PLEKHN1: variants seen among roughly 807,000 people sequenced by gnomAD.
PLEKHN1 encodes the protein pleckstrin homology domain containing N1.
PLEKHN1 carries 68 observed loss-of-function variants against 72.8 expected under a neutral mutation model. The observed-to-expected ratio is 0.93, with a 90% CI of 0.77 to 1.14. PLEKHN1 has a LOEUF of 1.14. Ranked by LOEUF, PLEKHN1 falls within the 50% of genes most tolerant of loss-of-function variation. The pLI is 0.00. For missense variants in PLEKHN1, 1,015 were observed against 840.5 expected, an observed-to-expected ratio of 1.21 and a Z score of -2.57; for synonymous variants, 454 against 371.6, an observed-to-expected ratio of 1.22 and a Z score of -2.55.
rs772469853 is a variant in PLEKHN1 at position 973,630 on chromosome 1, G to A, written c.1424G>A (p.Gly475Asp). The A allele has an allele frequency of 1.9e-6, 3 of 1,612,658 alleles. No homozygotes were observed. In the East Asian group the frequency reaches 6.7e-5, roughly 36 times the overall value. Reference sequence around the variant, plus strand: ...CACCGCAGGGTCACAGATGTCCGGGGCCTGGAGGAGGTCAGGCCCCTGCTG... The same window carrying A: ...CACCGCAGGGTCACAGATGTCCGGGACCTGGAGGAGGTCAGGCCCCTGCTG... ...TSHRRVTDVR[G>D]LEEFLSAMQS... The change falls in exon 13 of 16, where the codon GGC (glycine) becomes GAC (aspartate). Residue 475 changes from glycine (G) to aspartate (D), a missense_variant. Physicochemically the swap from Gly to Asp is moderately conservative, Grantham distance 94. Transcript: ENST00000379410.
chr1:971,399 T>C lies in PLEKHN1; in HGVS notation c.784T>C (p.Phe262Leu), dbSNP rs750298584. ...IFSEELDGLC[F>L]KGELPLRAVH... is the part of the protein sequence containing the mutation. ...CTCCGAGGAGCTGGACGGGCTTTGC[T>C]TCAAGGTGGGCCCCTCCCCACTGTG... is the stretch of plus-strand genomic sequence containing the variant. The change falls in exon 8 of 16, where the codon TTC becomes CTC. Residue 262 changes from phenylalanine (F) to leucine (L), a missense_variant. By Grantham distance (22) the Phe-to-Leu change is conservative. Coordinates refer to ENST00000379410, the MANE Select transcript of PLEKHN1 (RefSeq NM_032129.3). 1 of 1,579,360 alleles carries C rather than the reference T, an allele frequency of 6.3e-7. No homozygotes were observed. Among genetic ancestry groups the C allele is most frequent in the Non-Finnish European group, 8.6e-7 (1 of 1,163,980 alleles).
In PLEKHN1 at chr1:974,224, G is replaced by A. The variant is rs544591137; in HGVS notation, c.1654-92G>A. 1.7e-5 allele frequency: 27 copies of A among 1,580,476 alleles called. No individual in the cohort carries two copies. In the East Asian group the frequency reaches 5.6e-4, roughly 33 times the overall value. ...AGATGGGACTGGGGAGGGAGAGCAG[G>A]GGGACATGGGGGGCTGCACAGTGAC... is the stretch of plus-strand genomic sequence containing the variant. On this transcript the variant is annotated intron_variant, in intron 14 of 15. Transcript: ENST00000379410.
chr1:968,243 C>T (rs1448778138), intron 2 of PLEKHN1, among the ~76,000 whole-genome samples: 1 of 152,234 alleles, frequency 6.6e-6, no homozygotes, highest in Non-Finnish European at 1.5e-5. Context: ...CATTCCTGGG[C>T]CTGCTCAGGG....
intron 12 of PLEKHN1, 21 bp downstream of exon 12, chr1:973,347 CA>C (rs780471039): frequency 6.4e-7 from 1 of 1,552,956 alleles, no homozygotes; most frequent in Non-Finnish European, 8.7e-7. Context: ...CACACCCACA[CA>C]GCCCCTGGCC....
chr1:973,203 C>A lies in PLEKHN1; in HGVS notation c.1170C>A (p.Asp390Glu). The change falls in exon 12 of 16, where the codon GAC (aspartate) becomes GAA (glutamate). Residue 390 changes from aspartate to glutamate, a missense_variant. Asp to Glu is a conservative substitution (Grantham distance 45). Coordinates refer to ENST00000379410, the MANE Select transcript of PLEKHN1 (RefSeq NM_032129.3). ...SQHTPDQANS[D>E]RASIGRRRTE... ...CCCCACAGGACCAGGCCAACTCTGA[C>A]CGTGCCAGCATTGGCCGACGGAGGA... 1 of 1,533,072 alleles carries A rather than the reference C, an allele frequency of 6.5e-7. No individual in the cohort carries two copies. The highest frequency in any genetic ancestry group is 1.2e-5 in the South Asian group (1 of 83,030). The allele number at this position is 1,533,072 out of a possible 1,614,324, so 95.0% of individuals were successfully genotyped here. A position where few individuals can be genotyped will look rare whatever the true frequency, so the allele number is the denominator to read the frequency against.
Position 973,296 on chromosome 1 carries a change from T to C in PLEKHN1, c.1263T>C (p.Pro421=). 1 of 1,545,910 alleles carries C rather than the reference T, an allele frequency of 6.5e-7. No individual in the cohort carries two copies. The highest frequency in any genetic ancestry group is 1.9e-5 in the Admixed American group (1 of 51,974). Residue 421 remains proline (P), a synonymous_variant, in exon 12 of 16, where the codon CCT becomes CCC. Transcript: ENST00000379410. ...GSKARAEGRG[P]VTPLHLDLTQ... is the part of the protein sequence containing the mutation. ...AGGCCCGGGCAGAGGGCCGCGGCCC[T>C]GTCACCCCACTGCACCTGGACCTGA...
intron 14 of PLEKHN1, 40 bp downstream of exon 14, chr1:974,091 G>A: frequency 6.5e-7 from 1 of 1,537,304 alleles, no homozygotes; most frequent in Non-Finnish European, 8.8e-7. Context: ...CCGGGCTCCG[G>A]GCTGGCCGGG....
At position 973,288 on chromosome 1, in the gene PLEKHN1, CG is replaced by C; in HGVS notation, c.1256del (p.Arg419ProfsTer11). The stretch of plus-strand genomic sequence containing the variant: ...CGGGAGCAAGGCCCGGGCAGAGGGC[CG>C]CGGCCCTGTCACCCCACTGCACCTG... ...SPGSKARAEGRGPVTPLHLDL... is the reference protein window; with the variant it reads ...SPGSKARAEGXGPVTPLHLDL... On this transcript the variant is annotated frameshift_variant, in exon 12 of 16. Coordinates refer to ENST00000379410, the MANE Select transcript of PLEKHN1 (RefSeq NM_032129.3). LOFTEE classifies it high-confidence loss of function. 1.3e-6 allele frequency: 2 copies of C among 1,540,876 alleles called. No individual in the cohort carries two copies. Among genetic ancestry groups the C allele is most frequent in the Non-Finnish European group, 8.8e-7 (1 of 1,139,190 alleles).
chr1:970,281 TC>T lies in PLEKHN1; in HGVS notation c.190del (p.Leu64TrpfsTer15). On this transcript the variant is annotated frameshift_variant, in exon 3 of 16. Transcript: ENST00000379410. LOFTEE classifies it high-confidence loss of function. This position sits in a 1 kb window ranked among gnomAD's most constrained non-coding sequence, Gnocchi z 4.2. Reference sequence around the variant, plus strand: ...CCTGAGCTCTACTCCTCCTAGGACATCCTGGACCTGGAGAACCAGCGAGAAA... The same window carrying T: ...CCTGAGCTCTACTCCTCCTAGGACATCTGGACCTGGAGAACCAGCGAGAAA... ...KLFHYIPGTD[I>X]LDLENQRENL... 1 of 1,612,996 alleles carries T rather than the reference TC, an allele frequency of 6.2e-7. No individual in the cohort carries two copies. The highest frequency in any genetic ancestry group is 1.1e-5 in the South Asian group (1 of 91,066).
chr1:974,753 C>A lies in PLEKHN1; in HGVS notation c.*178C>A. 1 of 809,556 alleles carries A rather than the reference C, an allele frequency of 1.2e-6. No homozygotes were observed. The highest frequency in any genetic ancestry group is 1.9e-6 in the Non-Finnish European group (1 of 533,920). 50.1% of individuals were successfully genotyped at this position (809,556 alleles called of 1,614,324 possible). On this transcript the variant is annotated 3_prime_UTR_variant, in exon 16 of 16. Transcript: ENST00000379410. ...TGTTCCTTGGTGCCAGCAGCTGGGG[C>A]AGGGAAGGGTGGGAGGGGCCCCATC... is the stretch of plus-strand genomic sequence containing the variant.
At chr1:972,231 G>A in intron 9 of PLEKHN1, 57 bp from the exon 10 acceptor site, 1 of 1,601,632 alleles carries the variant, frequency 6.2e-7, no homozygotes, top group Non-Finnish European at 8.5e-7. Flanking sequence ...CGACTCTTTA[G>A]TGGGGGCGCT....
Position 970,802 on chromosome 1 carries a change from A to G in PLEKHN1, c.484+44A>G, listed in dbSNP as rs1643277699. 3 of 1,612,630 alleles carry G rather than the reference A, an allele frequency of 1.9e-6. No homozygotes were observed. In the East Asian group the frequency reaches 6.7e-5, roughly 36 times the overall value. On this transcript the variant is annotated intron_variant, in intron 5 of 15. Transcript: ENST00000379410. This position sits in a 1 kb window ranked among gnomAD's most constrained non-coding sequence, Gnocchi z 4.2. ...GGGCCCCCAGAGGCACTCCTGACCC[A>G]GGACTTGGAGAGGGGCCTGCCCTGT... is the stretch of plus-strand genomic sequence containing the variant.
In PLEKHN1 at chr1:971,121, A is replaced by C; in HGVS notation, c.621A>C (p.Leu207=). The C allele has an allele frequency of 2.5e-6, 4 of 1,598,572 alleles. No individual in the cohort carries two copies. Among genetic ancestry groups the C allele is most frequent in the Non-Finnish European group, 3.4e-6 (4 of 1,173,332 alleles). ...RCHSAPPQRR[L]TRLRTASGHE... is the part of the protein sequence containing the mutation. ...TCCCCTGGACTTTGCAGCGCCGTCT[A>C]ACCCGGCTGCGGACGGCGTCAGGGC... The change falls in exon 7 of 16, where the codon CTA becomes CTC. Residue 207 remains leucine, a synonymous_variant. Coordinates refer to ENST00000379410, the MANE Select transcript of PLEKHN1 (RefSeq NM_032129.3).
At chr1:969,699 CGTAT>C (rs908243879) in intron 2 of PLEKHN1, among the ~76,000 whole-genome samples, 8 of 150,884 alleles carry the variant, frequency 5.3e-5, no homozygotes, top group Non-Finnish European at 7.4e-5. Flanking sequence ...TGTATAAGTG[CGTAT>C]GTGTGTTCCC....
Position 971,206 on chromosome 1 carries a change from C to CAGGTGGGTGGG in PLEKHN1, c.708+4_708+14dup, listed in dbSNP as rs1643308801. The CAGGTGGGTGGG allele has an allele frequency of 1.3e-6, 2 of 1,575,044 alleles. No homozygotes were observed. The highest frequency in any genetic ancestry group is 1.7e-6 in the Non-Finnish European group (2 of 1,160,644). On this transcript the variant is annotated frameshift_variant and splice_region_variant, in exon 7 of 16. Coordinates refer to ENST00000379410, the MANE Select transcript of PLEKHN1 (RefSeq NM_032129.3). LOFTEE classifies it high-confidence loss of function. ...GGTCAAGCTGCAGCACCTGCCCGCA[C>CAGGTGGGTGGG]AGGTGGGTGGGAGGTGCGTGGGGCT...
chr1:971,303 A>ACCCCCCCCCCCC, intron 7 of PLEKHN1, 21 bp from the exon 8 acceptor site: 2 of 1,495,462 alleles, frequency 1.3e-6, no homozygotes, highest in Non-Finnish European at 1.8e-6. Flanking sequence ...TCATCGCCTG[A>ACCCCCCCCCCCC]CCCCACCCCC....
Position 972,294 on chromosome 1 carries a change from T to C in PLEKHN1, c.872T>C (p.Leu291Pro), listed in dbSNP as rs1283540103. ...QIRSFLIEGP[L>P]INTIRVVCAS... ...CACAGCATCTGTATGCCAGGCCCCC[T>C]CATCAACACCATCCGCGTGGTGTGC... The change falls in exon 10 of 16, where the codon CTC becomes CCC. Residue 291 changes from leucine (L) to proline (P), a missense_variant. By Grantham distance (98) the Leu-to-Pro change is moderately conservative. Transcript: ENST00000379410. 2 of 1,610,832 alleles carry C rather than the reference T, an allele frequency of 1.2e-6. No individual in the cohort carries two copies. Among genetic ancestry groups the C allele is most frequent in the Non-Finnish European group, 1.7e-6 (2 of 1,178,588 alleles).
intron 2 of PLEKHN1, among the ~76,000 whole-genome samples, chr1:969,980 G>A (rs1643221197): frequency 6.6e-6 from 1 of 152,040 alleles, no homozygotes; most frequent in South Asian, 2.1e-4. Flanking sequence ...CCTGTGGGGG[G>A]CTGTTCTTCA....
chr1:968,832 CAG>C (rs1425624128), intron 2 of PLEKHN1, among the ~76,000 whole-genome samples: 2 of 152,182 alleles, frequency 1.3e-5, no homozygotes, highest in East Asian at 3.8e-4. Context: ...ATGCAGCAGC[CAG>C]AGAGCATGGG....
Sources: gnomAD v4.1 joint callset for allele counts (sites outside exome capture counted in the v4.1 genomes callset) on GRCh38, gnomAD v4.1.1 for gene constraint, Gnocchi (gnomAD v3.1) non-coding constraint, MANE v1.5 for transcripts, NCBI Gene and HGNC (gene_info 2026-07-23, HGNC 2026-07-21) for gene names.